RGPD8: variants seen among roughly 807,000 people sequenced by gnomAD.
RGPD8 encodes RANBP2 like and GRIP domain containing 8.
RGPD8 carries 15 observed loss-of-function variants against 89.1 expected under a neutral mutation model. That is an observed-to-expected ratio of 0.17 (90% CI 0.11 to 0.26). The LOEUF is 0.26. Ranked by LOEUF, RGPD8 falls within the 10% of genes least tolerant of loss-of-function variation. The pLI, the probability that RGPD8 is intolerant of heterozygous loss-of-function variation, is 1.00. For synonymous variants in RGPD8, 62 were observed against 420.9 expected (o/e 0.15, Z 10.44); for missense variants, 178 against 1,179.6 (o/e 0.15, Z 12.44).
chr2:112,411,452 T>TCC (rs1679198308), intron 7 of RGPD8, among the ~76,000 whole-genome samples: 1 of 116,316 alleles, frequency 8.6e-6, no homozygotes, highest in Non-Finnish European at 1.7e-5. Flanking sequence ...GTGCCTGTAG[T>TCC]CCCAGCTACT....
rs1189030386 is a variant in RGPD8 at position 112,431,871 on chromosome 2, C to G, written c.72+1511G>C. Among the ~76,000 whole-genome samples the G allele has an allele frequency of 2.0e-5, 3 of 152,324 alleles. No homozygotes were observed. In the East Asian group the frequency reaches 5.8e-4, roughly 29 times the overall value. On this transcript the variant is annotated intron_variant, in intron 1 of 22. Coordinates refer to ENST00000302558, the MANE Select transcript of RGPD8 (RefSeq NM_001164463.1). ...GCCAGGCTGGTCTCGAACTCCTGAC[C>G]TCAGGCAATCCGCCCTCCTCGGCCT...
chr2:112,370,547 G>GT (rs1347808577), intron 22 of RGPD8, among the ~76,000 whole-genome samples: 49 of 128,868 alleles, frequency 3.8e-4, no homozygotes, highest in African/African-American at 1.2e-3. Context: ...GTAATTTTTT[G>GT]TTTTTTTGTA....
chr2:112,422,147 A>G (rs1679581825), intron 3 of RGPD8, 35 bp from the exon 4 acceptor site: 1 of 82,256 alleles, frequency 1.2e-5, no homozygotes, highest in Non-Finnish European at 2.3e-5. Context: ...ATTAGTAAAT[A>G]AATTGTATGT....
At chr2:112,432,778 G>T (rs1194394391) in intron 1 of RGPD8, among the ~76,000 whole-genome samples, 2 of 152,168 alleles carry the variant, frequency 1.3e-5, no homozygotes, top group Admixed American at 1.3e-4. Flanking sequence ...CAAACCGGGA[G>T]AAAGAGGAAG....
Position 112,433,393 on chromosome 2 carries a change from A to G in RGPD8, c.61T>C (p.Ser21Pro). Residue 21 changes from serine to proline, a missense_variant, in exon 1 of 23, where the codon TCG becomes CCG. By Grantham distance (74) the Ser-to-Pro change is moderately conservative (BLOSUM62 -1). Coordinates refer to ENST00000302558, the MANE Select transcript of RGPD8 (RefSeq NM_001164463.1). ...YVASVLGLTPSPRQKSMKGFY... is the reference protein window; with the variant it reads ...YVASVLGLTPPPRQKSMKGFY... ...CCAGACCCACTCACCTGTCGAGGCG[A>G]CGGGGTGAGACCCAGCACCGAGGCG... 1 of 1,610,114 alleles carries G rather than the reference A, an allele frequency of 6.2e-7. No homozygotes were observed. The highest frequency in any genetic ancestry group is 8.5e-7 in the Non-Finnish European group (1 of 1,178,954).
intron 22 of RGPD8, among the ~76,000 whole-genome samples, chr2:112,372,723 G>A (rs1187258360): frequency 3.2e-5 from 1 of 31,634 alleles, no homozygotes; most frequent in African/African-American, 1.9e-4. Flanking sequence ...AGGTAAATAA[G>A]AATTGGAGAA....
Position 112,433,418 on chromosome 2 carries a change from G to T in RGPD8, c.36C>A (p.Val12=). 1 of 1,610,490 alleles carries T rather than the reference G, an allele frequency of 6.2e-7. No individual in the cohort carries two copies. The highest frequency in any genetic ancestry group is 8.5e-7 in the Non-Finnish European group (1 of 1,179,138). ...ACGGGGTGAGACCCAGCACCGAGGC[G>T]ACGTACCGCTCCACATCGGCCTTGC... ...RRSKADVERY[V]ASVLGLTPSP... is the part of the protein sequence containing the mutation. The change falls in exon 1 of 23, where the codon GTC becomes GTA. Residue 12 remains valine, a synonymous_variant. Transcript: ENST00000302558.
At chr2:112,430,780 G>T (rs182985869) in intron 1 of RGPD8, among the ~76,000 whole-genome samples, 1 of 151,898 alleles carries the variant, frequency 6.6e-6, no homozygotes, top group Non-Finnish European at 1.5e-5. Context: ...GGGTAACATG[G>T]TAAGACCCCG....
At chr2:112,408,392 GATTT>G (rs1679017745) in intron 7 of RGPD8, among the ~76,000 whole-genome samples, 1 of 92,388 alleles carries the variant, frequency 1.1e-5, no homozygotes, top group African/African-American at 4.3e-5. Context: ...CAAAATATAT[GATTT>G]ATGAACCTAA....
chr2:112,429,394 C>G (rs1293194483), intron 1 of RGPD8, among the ~76,000 whole-genome samples: 1 of 110,874 alleles, frequency 9.0e-6, no homozygotes, highest in Non-Finnish European at 1.7e-5. Flanking sequence ...CCAGCCTGGA[C>G]GATAGAGCCA....
Position 112,389,668 on chromosome 2 carries a change from C to T in RGPD8, c.3277G>A (p.Gly1093Ser). The T allele has an allele frequency of 6.4e-7, 1 of 1,568,658 alleles. No homozygotes were observed. The highest frequency in any genetic ancestry group is 1.1e-5 in the South Asian group (1 of 89,572). ...CTTCGCATCAGCATTCTTAGTTTGC[C>T]ATTGACCTCGTTTTTGAGAATTTTT... ...NLKILKNEVN[G>S]KLRMLMRREQ... is the part of the protein sequence containing the mutation. The change falls in exon 20 of 23, where the codon GGC becomes AGC. Residue 1093 changes from glycine (G) to serine (S), a missense_variant. Transcript: ENST00000302558.
At chr2:112,424,158 A>G in intron 2 of RGPD8, 82 bp downstream of exon 2, 2 of 1,471,250 alleles carry the variant, frequency 1.4e-6, no homozygotes, top group Admixed American at 2.1e-5. Context: ...TACTAAGAAC[A>G]TATTTTTACC....
chr2:112,374,953 C>G (rs1678080906), intron 22 of RGPD8, among the ~76,000 whole-genome samples: 1 of 136,486 alleles, frequency 7.3e-6, no homozygotes, highest in Non-Finnish European at 1.6e-5. Context: ...ACCTCTGCCT[C>G]CTGGGTTCAA....
Position 112,432,943 on chromosome 2 carries a change from ATCGAGGCCGCCGCCGGGCCGGG to A in RGPD8, c.72+417_72+438del, listed in dbSNP as rs1170859392. Among the ~76,000 whole-genome samples, 16 of 114,244 alleles carry A rather than the reference ATCGAGGCCGCCGCCGGGCCGGG, an allele frequency of 1.4e-4. 2 individuals are homozygous for A. Among genetic ancestry groups the A allele is most frequent in the African/African-American group, 2.4e-4 (8 of 33,910 alleles). 74.9% of individuals were successfully genotyped at this position (114,244 alleles called of 152,430 possible). On this transcript the variant is annotated intron_variant, in intron 1 of 22. Transcript: ENST00000302558. The stretch of plus-strand genomic sequence containing the variant: ...CCTCGGGAGCCATGACCCCTGACCC[ATCGAGGCCGCCGCCGGGCCGGG>A]TCGAGGCCGCCGCCTCAACAGAGCG...
intron 2 of RGPD8, among the ~76,000 whole-genome samples, 180 bp downstream of exon 2, chr2:112,424,060 G>T (rs1003062194): frequency 4.0e-5 from 6 of 151,364 alleles, no homozygotes; most frequent in African/African-American, 1.2e-4. Flanking sequence ...AACACTAATT[G>T]CAGTTTCAAT....
intron 22 of RGPD8, among the ~76,000 whole-genome samples, chr2:112,371,725 A>G (rs1677969689): frequency 1.5e-5 from 1 of 68,438 alleles, no homozygotes; most frequent in Non-Finnish European, 2.7e-5. Flanking sequence ...AGGTTTGTGC[A>G]TAGGTTTTTG....
Position 112,377,365 on chromosome 2 carries a change from G to T in RGPD8, c.5263+688C>A, listed in dbSNP as rs200270245. 3.8e-4 allele frequency among the ~76,000 whole-genome samples: 39 copies of T among 101,732 alleles called. 11 individuals are homozygous for T. The highest frequency in any genetic ancestry group is 1.1e-4 in the Non-Finnish European group (5 of 47,146). 66.7% of individuals were successfully genotyped at this position (101,732 alleles called of 152,430 possible). Reference sequence around the variant, plus strand: ...GGCGTGACACATCACTGCAACCTCCGCCTCGTGAGTTCAAGCGACTCTGCT... The same window carrying T: ...GGCGTGACACATCACTGCAACCTCCTCCTCGTGAGTTCAAGCGACTCTGCT... On this transcript the variant is annotated intron_variant, in intron 22 of 22. Coordinates refer to ENST00000302558, the MANE Select transcript of RGPD8 (RefSeq NM_001164463.1).
At chr2:112,374,547 G>A (rs1678060202) in intron 22 of RGPD8, among the ~76,000 whole-genome samples, 1 of 137,196 alleles carries the variant, frequency 7.3e-6, no homozygotes, top group South Asian at 2.5e-4. Context: ...TTCTCTGGCT[G>A]CTTTTGAGAT....
intron 22 of RGPD8, among the ~76,000 whole-genome samples, chr2:112,371,056 TA>T (rs1231508131): frequency 1.3e-5 from 2 of 149,806 alleles, no homozygotes; most frequent in Non-Finnish European, 3.0e-5. Context: ...AAGAGGATTT[TA>T]AAAAAAATTC....
Sources: gnomAD v4.1 joint callset for allele counts (sites outside exome capture counted in the v4.1 genomes callset) on GRCh38, gnomAD v4.1.1 for gene constraint, MANE v1.5 for transcripts, NCBI Gene and HGNC (gene_info 2026-07-23, HGNC 2026-07-21) for gene names.